ERCC6L2: variants seen among roughly 807,000 people sequenced by gnomAD.
The protein encoded by ERCC6L2 is ERCC excision repair 6 like 2.
Under a neutral mutation model 132.0 loss-of-function variants are expected in ERCC6L2, and 77 were observed. The observed-to-expected ratio is 0.58, with a 90% CI of 0.49 to 0.71. ERCC6L2 has a LOEUF of 0.71. Ranked by LOEUF, ERCC6L2 falls within the 30% of genes least tolerant of loss-of-function variation. ERCC6L2 has a pLI of 0.00. For missense variants in ERCC6L2, 1,542 were observed against 1,837.6 expected (o/e 0.84, Z 2.94); for synonymous variants, 583 against 632.4 (o/e 0.92, Z 1.17).
intron 18 of ERCC6L2, among the ~76,000 whole-genome samples, chr9:96,006,405 A>G (rs1441229797): frequency 6.6e-6 from 1 of 152,246 alleles, no homozygotes; most frequent in Non-Finnish European, 1.5e-5. Context: ...CAGAGCACTC[A>G]GCAGGCACCT....
intron 3 of ERCC6L2, chr9:95,906,746 A>C (rs1564210708): frequency 2.2e-6 from 1 of 463,358 alleles, no homozygotes; most frequent in Non-Finnish European, 4.3e-6. Context: ...TGAAGCTATT[A>C]CTGGGATCCA....
chr9:95,948,754 C>G (rs1460742959), intron 12 of ERCC6L2, among the ~76,000 whole-genome samples: 17 of 133,120 alleles, frequency 1.3e-4, no homozygotes, highest in Admixed American at 7.0e-4. Flanking sequence ...GCTGTCTTTC[C>G]AAATGGTAGT....
At chr9:95,913,991 C>A (rs956252015) in intron 4 of ERCC6L2, among the ~76,000 whole-genome samples, 1 of 152,120 alleles carries the variant, frequency 6.6e-6, no homozygotes, top group Admixed American at 6.6e-5. Flanking sequence ...CCTAAGTTTT[C>A]ATTTTTCTTG....
chr9:95,907,090 G>C lies in ERCC6L2; in HGVS notation c.607G>C (p.Val203Leu). 1.3e-6 allele frequency: 2 copies of C among 1,599,734 alleles called. No homozygotes were observed. The highest frequency in any genetic ancestry group is 4.5e-5 in the East Asian group (2 of 44,670). ...SSTAKKMFLI[V>L]APLSVLYNWK... ...ATTCTTGTTTTAGATGTTCTTAATA[G>C]TTGCTCCTCTTTCTGTCCTCTACAA... Residue 203 changes from valine to leucine, a missense_variant, in exon 4 of 19, where the codon GTT (valine) becomes CTT (leucine). Around this residue, in one of 4 missense-constraint regions of ERCC6L2, gnomAD observed 945 missense variants for 1,105.2 expected, o/e 0.86. Coordinates refer to ENST00000653738, the MANE Select transcript of ERCC6L2 (RefSeq NM_020207.7).
intron 11 of ERCC6L2, among the ~76,000 whole-genome samples, chr9:95,933,044 T>C (rs528634410): frequency 6.6e-6 from 1 of 152,294 alleles, no homozygotes; most frequent in East Asian, 1.9e-4. Flanking sequence ...AAGGGAGCTT[T>C]GCTTCTTCAG....
At chr9:95,929,686 A>G (rs1394237538) in intron 11 of ERCC6L2, among the ~76,000 whole-genome samples, 1 of 152,224 alleles carries the variant, frequency 6.6e-6, no homozygotes, top group Non-Finnish European at 1.5e-5. Flanking sequence ...GCAAATGGGG[A>G]AAAGCTTTGG....
At position 95,880,876 on chromosome 9, in the gene ERCC6L2, G is replaced by A; in HGVS notation, c.54G>A (p.Trp18Ter). 6.2e-7 allele frequency: 1 copy of A among 1,605,168 alleles called. No homozygotes were observed. Among genetic ancestry groups the A allele is most frequent in the Non-Finnish European group, 8.5e-7 (1 of 1,176,086 alleles). Residue 18 changes from tryptophan to a stop codon, truncating the protein, a stop_gained, in exon 2 of 19, where the codon TGG becomes TGA. Transcript: ENST00000653738. LOFTEE classifies it high-confidence loss of function. ...PRAETSGKDI[W>*]HPGERCLAPS... ...TTTTCTTTATTCTTGCAGACATATGGCATCCAGGAGAAAGATGTCTTGCCC... is the reference window on the plus strand; with the variant it reads ...TTTTCTTTATTCTTGCAGACATATGACATCCAGGAGAAAGATGTCTTGCCC...
intron 18 of ERCC6L2, 79 bp downstream of exon 18, chr9:96,004,780 C>T (rs1199865391): frequency 2.2e-6 from 2 of 922,276 alleles, no homozygotes; most frequent in Non-Finnish European, 3.0e-6. Flanking sequence ...TATGTAAATA[C>T]TTGAATTATA....
Position 96,004,619 on chromosome 9 carries a change from C to T in ERCC6L2, c.3592C>T (p.Pro1198Ser). 2 of 1,321,402 alleles carry T rather than the reference C, an allele frequency of 1.5e-6. No individual in the cohort carries two copies. Among genetic ancestry groups the T allele is most frequent in the Non-Finnish European group, 2.0e-6 (2 of 996,966 alleles). The allele number at this position is 1,321,402 out of a possible 1,614,324, so 81.9% of individuals were successfully genotyped here. A position where few individuals can be genotyped will look rare whatever the true frequency, so the allele number is the denominator to read the frequency against. ...SISLPLYISN[P>S]VNQKKKKVYH... ...TTCACTTCCTCTTTACATTTCAAAT[C>T]CTGTAAACCAGAAGAAGAAAAAAGT... The change falls in exon 18 of 19, where the codon CCT becomes TCT. Residue 1198 changes from proline to serine, a missense_variant. By Grantham distance (74) the Pro-to-Ser change is moderately conservative. Around this residue, in one of 4 missense-constraint regions of ERCC6L2, gnomAD observed 442 missense variants for 583.4 expected, o/e 0.76. Transcript: ENST00000653738.
At chr9:96,020,705 AAAAGG>A, downstream of ERCC6L2, 1 of 446,696 alleles carries the variant, frequency 2.2e-6, no homozygotes, top group South Asian at 1.6e-5. Context: ...TCCGCAGCTC[AAAAGG>A]AGAAACATGC....
At chr9:96,036,798 A>T (rs1208647292) in intron 19 of ERCC6L2, among the ~76,000 whole-genome samples, 1 of 141,818 alleles carries the variant, frequency 7.1e-6, no homozygotes, top group Admixed American at 7.2e-5. Context: ...ACGGAGTCTC[A>T]CTCTGTCGCC....
At chr9:95,951,414 AC>A (rs1422469611) in intron 12 of ERCC6L2, among the ~76,000 whole-genome samples, 24 of 152,036 alleles carry the variant, frequency 1.6e-4, no homozygotes, top group African/African-American at 5.8e-4. Context: ...AAAAGGAAAA[AC>A]CCCCAGAGCT....
intron 12 of ERCC6L2, among the ~76,000 whole-genome samples, chr9:95,946,743 T>C (rs1831082641): frequency 1.3e-5 from 2 of 152,204 alleles, no homozygotes; most frequent in South Asian, 4.1e-4. Flanking sequence ...CAGCACCATT[T>C]TTCCGTGGCA....
chr9:95,969,454 G>A (rs1440761445), intron 14 of ERCC6L2, among the ~76,000 whole-genome samples: 2 of 152,132 alleles, frequency 1.3e-5, no homozygotes, highest in Non-Finnish European at 2.9e-5. Context: ...ATATTATCCA[G>A]GTGGCACTGA....
At chr9:95,977,256 C>G (rs1034829338) in intron 16 of ERCC6L2, among the ~76,000 whole-genome samples, 21 of 152,150 alleles carry the variant, frequency 1.4e-4, no homozygotes, top group African/African-American at 5.1e-4. Context: ...GAATGTTATG[C>G]TAGTTACTGT....
At chr9:96,019,328 ATGAGAAGCC>A (rs1198740352), downstream of ERCC6L2, among the ~76,000 whole-genome samples, 5 of 152,188 alleles carry the variant, frequency 3.3e-5, no homozygotes, top group Non-Finnish European at 5.9e-5. Flanking sequence ...GATGCACCAT[ATGAGAAGCC>A]CCCAGCCCCC....
chr9:95,961,283 A>G (rs1004682975), intron 13 of ERCC6L2, among the ~76,000 whole-genome samples: 1 of 152,134 alleles, frequency 6.6e-6, no homozygotes, highest in African/African-American at 2.4e-5. Flanking sequence ...AAATTTGGAT[A>G]CAGACAGCCA....
intron 17 of ERCC6L2, among the ~76,000 whole-genome samples, chr9:95,993,712 G>A (rs534585952): frequency 2.6e-4 from 39 of 152,280 alleles, no homozygotes; most frequent in African/African-American, 9.1e-4. Context: ...CCAATATAAA[G>A]TTGTCCTTAT....
intron 13 of ERCC6L2, among the ~76,000 whole-genome samples, chr9:95,961,805 A>T (rs567018466): frequency 6.6e-6 from 1 of 152,172 alleles, no homozygotes; most frequent in African/African-American, 2.4e-5. Context: ...ACAGTTCTGC[A>T]TGGCTGGGGA....
Sources: gnomAD v4.1 joint callset for allele counts (sites outside exome capture counted in the v4.1 genomes callset) on GRCh38, gnomAD v4.1.1 for gene constraint, gnomAD v4.1.1 regional missense constraint, MANE v1.5 for transcripts, NCBI Gene and HGNC (gene_info 2026-07-23, HGNC 2026-07-21) for gene names.